Variants in CAMK1D observed in about 807,000 individuals in gnomAD.
CAMK1D encodes calcium/calmodulin dependent protein kinase ID.
CAMK1D carries 9 observed loss-of-function variants against 47.7 expected under a neutral mutation model. The ratio of observed to expected loss-of-function variants is 0.19; its 90% confidence interval spans 0.11 to 0.33. The LOEUF (loss-of-function observed/expected upper bound fraction) is 0.33, where lower values mean the gene tolerates loss of function less well. Among genes scored for constraint, CAMK1D ranks in the 10% least tolerant of loss-of-function variants. CAMK1D has a pLI of 1.00. For synonymous variants in CAMK1D, 184 were observed against 184.9 expected, an observed-to-expected ratio of 0.99 and a Z score of 0.04; for missense variants, 291 against 488.7, an observed-to-expected ratio of 0.60 and a Z score of 3.81.
At chr10:12,586,564 A>T (rs1278589583) in intron 2 of CAMK1D, among the ~76,000 whole-genome samples, 1 of 152,102 alleles carries the variant, frequency 6.6e-6, no homozygotes, top group Non-Finnish European at 1.5e-5. Flanking sequence ...CCCATTCTCC[A>T]AAACTAGTAC....
chr10:12,758,526 T>G (rs1029914601), intron 3 of CAMK1D, among the ~76,000 whole-genome samples: 6 of 152,218 alleles, frequency 3.9e-5, no homozygotes, highest in Non-Finnish European at 7.3e-5. Flanking sequence ...ATATTAAATG[T>G]GCAGAGCATT....
At chr10:12,390,491 T>C (rs1264204087) in intron 1 of CAMK1D, among the ~76,000 whole-genome samples, 1 of 152,216 alleles carries the variant, frequency 6.6e-6, no homozygotes, top group Non-Finnish European at 1.5e-5. Flanking sequence ...TATCTGTCTC[T>C]GCGTCTGTCT....
chr10:12,683,744 GTGTGTGT>G (rs2132617110), intron 3 of CAMK1D, among the ~76,000 whole-genome samples: 1 of 44,868 alleles, frequency 2.2e-5, no homozygotes, highest in South Asian at 1.5e-3. Context: ...GAATCCAGGT[GTGTGTGT>G]GTGTGTGTGT....
chr10:12,623,832 A>C (rs146038557), intron 2 of CAMK1D, among the ~76,000 whole-genome samples: 19 of 152,288 alleles, frequency 1.2e-4, no homozygotes, highest in African/African-American at 3.8e-4. Flanking sequence ...TAATCCCAGC[A>C]CCTTGGGAGG....
intron 2 of CAMK1D, among the ~76,000 whole-genome samples, chr10:12,557,817 C>T (rs1408244837): frequency 6.6e-6 from 1 of 152,128 alleles, no homozygotes; most frequent in African/African-American, 2.4e-5. Flanking sequence ...ACTGCTAAGC[C>T]GGCCCATTGG....
At chr10:12,453,833 A>T (rs1477471476) in intron 1 of CAMK1D, among the ~76,000 whole-genome samples, 1 of 152,216 alleles carries the variant, frequency 6.6e-6, no homozygotes, top group Non-Finnish European at 1.5e-5. Context: ...GTTAATTTTT[A>T]TGCACAATCT....
intron 1 of CAMK1D, among the ~76,000 whole-genome samples, chr10:12,376,074 G>A (rs935658360): frequency 3.5e-5 from 5 of 141,546 alleles, no homozygotes; most frequent in African/African-American, 1.4e-4. Context: ...GAGGCCGGAG[G>A]ATCACTTGAA....
intron 3 of CAMK1D, among the ~76,000 whole-genome samples, chr10:12,739,766 T>G (rs1835348399): frequency 6.6e-6 from 1 of 152,154 alleles, no homozygotes; most frequent in South Asian, 2.1e-4. Context: ...ATCAGAAATT[T>G]CAAAAGACCC....
At chr10:12,455,281 C>T (rs1814125875) in intron 1 of CAMK1D, among the ~76,000 whole-genome samples, 1 of 152,232 alleles carries the variant, frequency 6.6e-6, no homozygotes, top group South Asian at 2.1e-4. Flanking sequence ...AAGCAATCCT[C>T]CTGCCACAGT....
At chr10:12,701,517 C>A (rs1428011522) in intron 3 of CAMK1D, among the ~76,000 whole-genome samples, 1 of 152,206 alleles carries the variant, frequency 6.6e-6, no homozygotes, top group African/African-American at 2.4e-5. Flanking sequence ...CCCTCTCTGG[C>A]CACAGAGGCT....
At chr10:12,658,282 G>C (rs1017287625) in intron 2 of CAMK1D, among the ~76,000 whole-genome samples, 1 of 152,188 alleles carries the variant, frequency 6.6e-6, no homozygotes. Flanking sequence ...AAGAAGACAG[G>C]AGAGTGATGA....
chr10:12,498,028 G>C (rs143784202), intron 1 of CAMK1D, among the ~76,000 whole-genome samples: 80 of 152,292 alleles, frequency 5.3e-4, no homozygotes, highest in African/African-American at 1.9e-3. Context: ...AAAACCATCA[G>C]ATCTCATGAA....
chr10:12,781,287 G>A (rs540359193), intron 5 of CAMK1D, among the ~76,000 whole-genome samples: 65 of 152,348 alleles, frequency 4.3e-4, no homozygotes, highest in South Asian at 8.3e-4. Flanking sequence ...TACAGAGTAG[G>A]CGTCACGCCG....
chr10:12,716,825 A>C (rs1440187863), intron 3 of CAMK1D, among the ~76,000 whole-genome samples: 2 of 152,072 alleles, frequency 1.3e-5, no homozygotes, highest in African/African-American at 4.8e-5. Context: ...TCGTGATGGG[A>C]GTAGAGGCCA....
At chr10:12,749,388 G>C (rs987592795) in intron 3 of CAMK1D, among the ~76,000 whole-genome samples, 1 of 144,652 alleles carries the variant, frequency 6.9e-6, no homozygotes, top group African/African-American at 2.5e-5. Context: ...GTCACGTCGT[G>C]TGTTATTTTC....
chr10:12,613,257 C>T (rs1838684160), intron 2 of CAMK1D, among the ~76,000 whole-genome samples: 2 of 152,218 alleles, frequency 1.3e-5, no homozygotes, highest in South Asian at 4.1e-4. Flanking sequence ...TCTAAATTGG[C>T]ACCTAAGCGT....
At chr10:12,679,462 C>G (rs1356330087) in intron 3 of CAMK1D, among the ~76,000 whole-genome samples, 2 of 152,064 alleles carry the variant, frequency 1.3e-5, no homozygotes, top group Non-Finnish European at 2.9e-5. Flanking sequence ...CTTCTGACTC[C>G]CTAGTAGATA....
intron 1 of CAMK1D, among the ~76,000 whole-genome samples, chr10:12,445,518 T>C (rs1476349253): frequency 2.0e-5 from 3 of 152,180 alleles, no homozygotes; most frequent in Admixed American, 2.0e-4. Context: ...CCTTACAGAC[T>C]GGGCAGAAGA....
At chr10:12,758,250 G>A (rs1836327081) in intron 3 of CAMK1D, among the ~76,000 whole-genome samples, 1 of 152,092 alleles carries the variant, frequency 6.6e-6, no homozygotes, top group Admixed American at 6.5e-5. Flanking sequence ...ATAAATTCTG[G>A]GGGACGTAAA....
Sources: allele counts gnomAD v4.1 joint callset (sites outside exome capture counted in the v4.1 genomes callset), GRCh38; gene constraint gnomAD v4.1.1; transcripts MANE v1.5; gene names NCBI Gene and HGNC (gene_info 2026-07-23, HGNC 2026-07-21).